RFC3: variants seen among roughly 807,000 people sequenced by gnomAD.
The protein encoded by RFC3 is A1 38 kDa subunit.
Under a neutral mutation model 45.1 loss-of-function variants are expected in RFC3, and 41 were observed. The ratio of observed to expected loss-of-function variants is 0.91; its 90% CI spans 0.71 to 1.18. RFC3 has a LOEUF of 1.18. Ranked by LOEUF, RFC3 falls within the 50% of genes most tolerant of loss-of-function variation. The pLI, the probability that RFC3 is intolerant of heterozygous loss-of-function variation, is 0.00. For missense variants in RFC3, 423 were observed against 428.1 expected, an observed-to-expected ratio of 0.99 and a Z score of 0.10; for synonymous variants, 149 against 144.0, an observed-to-expected ratio of 1.03 and a Z score of -0.25.
chr13:33,969,095 C>G (rs1009932977), downstream of RFC3, among the ~76,000 whole-genome samples: 3 of 152,222 alleles, frequency 2.0e-5, no homozygotes, highest in Admixed American at 1.3e-4. Flanking sequence ...TGAGATCTGA[C>G]AAGTAAACAT....
chr13:33,832,707 C>T (rs1286352617), intron 7 of RFC3, among the ~76,000 whole-genome samples: 3 of 151,974 alleles, frequency 2.0e-5, no homozygotes, highest in East Asian at 3.8e-4. Flanking sequence ...ATAAAGAGAC[C>T]TCACCCTTTA....
intron 8 of RFC3, among the ~76,000 whole-genome samples, chr13:33,860,892 A>G (rs1593645620): frequency 7.0e-6 from 1 of 143,858 alleles, no homozygotes; most frequent in East Asian, 2.0e-4. Flanking sequence ...ATTACTTAAG[A>G]AACATATTAA....
chr13:33,842,132 T>C (rs527609272), downstream of RFC3, among the ~76,000 whole-genome samples: 1 of 151,846 alleles, frequency 6.6e-6, no homozygotes, highest in African/African-American at 2.4e-5. Flanking sequence ...ATAAACAAAA[T>C]AGAAAATTAG....
intron 8 of RFC3, among the ~76,000 whole-genome samples, chr13:33,845,864 T>A (rs1312951588): frequency 6.6e-6 from 1 of 152,126 alleles, no homozygotes; most frequent in African/African-American, 2.4e-5. Context: ...CATTGAAGAG[T>A]TAGGTATTTA....
chr13:33,912,702 G>T (rs74957173), intron 8 of RFC3, among the ~76,000 whole-genome samples: 2 of 152,066 alleles, frequency 1.3e-5, no homozygotes, highest in Admixed American at 1.3e-4. Context: ...TTCTATGAAC[G>T]CTGTGGGATC....
At chr13:33,968,063 G>A (rs187211988), downstream of RFC3, among the ~76,000 whole-genome samples, 15 of 152,198 alleles carry the variant, frequency 9.9e-5, no homozygotes, top group Admixed American at 6.5e-4. Context: ...TGAGTTGATC[G>A]TGCCCCTTAA....
At chr13:33,909,642 T>G (rs1481007772) in intron 8 of RFC3, among the ~76,000 whole-genome samples, 1 of 152,090 alleles carries the variant, frequency 6.6e-6, no homozygotes, top group South Asian at 2.1e-4. Context: ...ATAAACTTAA[T>G]AAATAGGTTG....
intron 8 of RFC3, among the ~76,000 whole-genome samples, chr13:33,948,938 A>G (rs750886910): frequency 2.0e-5 from 3 of 152,180 alleles, no homozygotes; most frequent in African/African-American, 7.2e-5. Flanking sequence ...GTTGTCTCAG[A>G]TAAGACTTTG....
intron 8 of RFC3, among the ~76,000 whole-genome samples, chr13:33,956,871 T>C (rs2083025196): frequency 6.6e-6 from 1 of 152,234 alleles, no homozygotes; most frequent in South Asian, 2.1e-4. Context: ...TATAATCTTG[T>C]ACATCTCTCT....
At chr13:33,969,378 A>T (rs935843784), downstream of RFC3, among the ~76,000 whole-genome samples, 1 of 152,214 alleles carries the variant, frequency 6.6e-6, no homozygotes, top group Non-Finnish European at 1.5e-5. Flanking sequence ...CGATTTTCCT[A>T]CAGAAACTGG....
chr13:33,867,474 T>C (rs1242827634), intron 8 of RFC3, among the ~76,000 whole-genome samples: 1 of 152,210 alleles, frequency 6.6e-6, no homozygotes, highest in African/African-American at 2.4e-5. Context: ...TTAATCATTT[T>C]AAGCCACACA....
rs1566030619 is a variant in RFC3 at position 33,925,207 on chromosome 13, CATATAGTGT to C, written c.880-40878_880-40870del. Among the ~76,000 whole-genome samples the C allele has an allele frequency of 1.6e-3, 189 of 118,646 alleles. 14 individuals are homozygous for C. Among genetic ancestry groups the C allele is most frequent in the African/African-American group, 6.2e-3 (183 of 29,432 alleles). The allele number at this position is 118,646 out of a possible 152,430, so 77.8% of individuals were successfully genotyped here. A position where few individuals can be genotyped will look rare whatever the true frequency, so the allele number is the denominator to read the frequency against. On this transcript the variant is annotated intron_variant, in intron 8 of 8. Coordinates refer to the RFC3 transcript ENST00000434425. ...ACATATAGTGTACTATATACATACA[CATATAGTGT>C]ACTATATACATACACATATAGTGTA...
intron 8 of RFC3, chr13:33,849,786 G>A (rs2082264418): frequency 6.6e-6 from 1 of 152,166 alleles, no homozygotes; most frequent in Non-Finnish European, 1.5e-5. Context: ...GCTGAGGCAA[G>A]AGAATCACTT....
intron 8 of RFC3, among the ~76,000 whole-genome samples, chr13:33,965,446 G>A (rs2083081767): frequency 6.6e-6 from 1 of 152,138 alleles, no homozygotes; most frequent in South Asian, 2.1e-4. Context: ...AATAGTACAG[G>A]TGTGTAGTAG....
intron 8 of RFC3, among the ~76,000 whole-genome samples, chr13:33,873,198 G>T (rs2137572539): frequency 6.6e-6 from 1 of 152,300 alleles, no homozygotes; most frequent in East Asian, 1.9e-4. Flanking sequence ...AGTTTAGAGG[G>T]GGTTGTGGAG....
chr13:33,936,035 C>T (rs1022536377), intron 8 of RFC3, among the ~76,000 whole-genome samples: 5 of 152,174 alleles, frequency 3.3e-5, no homozygotes, highest in South Asian at 4.2e-4. Context: ...CTTATGAGAG[C>T]GATGGTATGA....
intron 8 of RFC3, among the ~76,000 whole-genome samples, chr13:33,889,618 T>TA (rs1309665523): frequency 6.6e-6 from 1 of 152,220 alleles, no homozygotes; most frequent in Admixed American, 6.5e-5. Flanking sequence ...TGTTATTAGC[T>TA]ATAATCACCA....
intron 8 of RFC3, among the ~76,000 whole-genome samples, chr13:33,934,382 A>G (rs538288949): frequency 1.2e-4 from 18 of 152,000 alleles, no homozygotes; most frequent in Non-Finnish European, 1.8e-4. Context: ...GGAAGGTGAT[A>G]AGGGCACATG....
At chr13:33,884,950 T>C (rs1385617846) in intron 8 of RFC3, among the ~76,000 whole-genome samples, 3 of 152,228 alleles carry the variant, frequency 2.0e-5, no homozygotes, top group Non-Finnish European at 4.4e-5. Flanking sequence ...ACCCAGGTCA[T>C]TTCCTGAACT....
Sources: gnomAD v4.1 joint callset for allele counts (sites outside exome capture counted in the v4.1 genomes callset) on GRCh38, gnomAD v4.1.1 for gene constraint, MANE v1.5 for transcripts, NCBI Gene and HGNC (gene_info 2026-07-23, HGNC 2026-07-21) for gene names.